FOXP1: variants seen among roughly 807,000 people sequenced by gnomAD.
FOXP1 encodes the protein forkhead box P1, also known as forkhead box protein P1.
In FOXP1, 15 loss-of-function variants were observed where a neutral mutation model predicts 98.2. The observed-to-expected ratio is 0.15, with a 90% CI of 0.10 to 0.24. The LOEUF (loss-of-function observed/expected upper bound fraction) is 0.24, where lower values mean the gene tolerates loss of function less well. FOXP1 is among the 10% of genes least tolerant of loss of function. The pLI, the probability that FOXP1 is intolerant of heterozygous loss-of-function variation, is 1.00. For missense variants in FOXP1, 633 were observed against 848.5 expected (o/e 0.75, Z 3.15); for synonymous variants, 371 against 314.5 (o/e 1.18, Z -1.90).
At chr3:71,158,577 C>T (rs905190088) in intron 6 of FOXP1, among the ~76,000 whole-genome samples, 4 of 152,094 alleles carry the variant, frequency 2.6e-5, no homozygotes, top group African/African-American at 7.2e-5. Flanking sequence ...TGCTCTAAAA[C>T]TTTTCATATA....
chr3:71,281,050 A>G (rs1405254737), intron 5 of FOXP1, among the ~76,000 whole-genome samples: 2 of 150,456 alleles, frequency 1.3e-5, no homozygotes, highest in Non-Finnish European at 3.0e-5. Context: ...AAAAAAAAAA[A>G]AAAAAAAAAA....
chr3:71,261,836 T>C (rs536833433), intron 5 of FOXP1, among the ~76,000 whole-genome samples: 1 of 152,254 alleles, frequency 6.6e-6, no homozygotes, highest in Admixed American at 6.5e-5. Flanking sequence ...CTTCATAGCC[T>C]ATGGAATAGT....
intron 4 of FOXP1, among the ~76,000 whole-genome samples, chr3:71,327,476 C>T (rs555690933): frequency 6.8e-6 from 1 of 147,990 alleles, no homozygotes; most frequent in South Asian, 2.2e-4. Context: ...CAAGCTCCGC[C>T]TCCCGGGTTC....
chr3:71,132,323 A>T (rs1276672627), intron 6 of FOXP1, among the ~76,000 whole-genome samples: 3 of 152,196 alleles, frequency 2.0e-5, no homozygotes, highest in Non-Finnish European at 4.4e-5. Context: ...CAGTCACACA[A>T]ATAGATGTGT....
chr3:71,555,368 G>A (rs955764229), intron 2 of FOXP1, among the ~76,000 whole-genome samples: 3 of 152,078 alleles, frequency 2.0e-5, no homozygotes, highest in Non-Finnish European at 1.5e-5. Context: ...AGGAGAAAAG[G>A]GATTGCTGGT....
intron 4 of FOXP1, among the ~76,000 whole-genome samples, chr3:71,303,907 G>A (rs529219410): frequency 5.9e-5 from 9 of 152,228 alleles, no homozygotes; most frequent in Admixed American, 2.0e-4. Context: ...CTGTGCAGCC[G>A]GGGTCTCTGA....
At chr3:71,564,488 A>G (rs2046765535) in intron 2 of FOXP1, among the ~76,000 whole-genome samples, 1 of 152,200 alleles carries the variant, frequency 6.6e-6, no homozygotes, top group Admixed American at 6.5e-5. Flanking sequence ...ATGGAAGATC[A>G]AGGTAAATCA....
rs969083610 is a variant in FOXP1 at position 71,227,316 on chromosome 3, G to A, written c.-11-28924C>T. Among the ~76,000 whole-genome samples, 10 of 152,164 alleles carry A rather than the reference G, an allele frequency of 6.6e-5. No homozygotes were observed. In the East Asian group the frequency reaches 1.9e-3, roughly 29 times the overall value. ...CGACCACAGGGCATCAAAAATTACC[G>A]TGTCTTCCTATTGGAAGCAACAGAG... is the stretch of plus-strand genomic sequence containing the variant. On this transcript the variant is annotated intron_variant, in intron 5 of 20. Transcript: ENST00000649528.
At chr3:71,368,405 G>C in intron 3 of FOXP1, among the ~76,000 whole-genome samples, 1 of 152,144 alleles carries the variant, frequency 6.6e-6, no homozygotes, top group South Asian at 2.1e-4. Context: ...GGGATTACAG[G>C]CATGAGCCAC....
rs538434524 is a variant in FOXP1 at position 71,026,412 on chromosome 3, C to A, written c.870-10759G>T. ...GCTGGGTTAACTTCGCAGGTTGACA[C>A]TGACAAAGTAGCAAGTCTCTGAAGA... On this transcript the variant is annotated intron_variant, in intron 11 of 20. Transcript: ENST00000649528. Among the ~76,000 whole-genome samples the A allele has an allele frequency of 3.3e-5, 5 of 152,288 alleles. No homozygotes were observed. In the South Asian group the frequency reaches 8.3e-4, roughly 25 times the overall value.
chr3:71,214,630 T>G (rs1423048331), intron 5 of FOXP1, among the ~76,000 whole-genome samples: 1 of 152,182 alleles, frequency 6.6e-6, no homozygotes, highest in Non-Finnish European at 1.5e-5. Flanking sequence ...AAATTACTAG[T>G]CTTCTTCACC....
chr3:71,046,648 C>A (rs996490594), intron 10 of FOXP1, among the ~76,000 whole-genome samples: 1 of 152,140 alleles, frequency 6.6e-6, no homozygotes, highest in Non-Finnish European at 1.5e-5. Context: ...TGCAAGAGTC[C>A]ATTAAAATGC....
At chr3:70,999,859 C>G (rs544746965) in intron 13 of FOXP1, among the ~76,000 whole-genome samples, 10 of 152,278 alleles carry the variant, frequency 6.6e-5, no homozygotes, top group Admixed American at 4.6e-4. Flanking sequence ...CGCTGTCTTG[C>G]ATACAAAATA....
At chr3:71,297,504 AC>A (rs1471855329) in intron 5 of FOXP1, among the ~76,000 whole-genome samples, 88 of 149,356 alleles carry the variant, frequency 5.9e-4, no homozygotes, top group South Asian at 4.4e-3. Flanking sequence ...AAAAAAAAAA[AC>A]AAAACAACAA....
chr3:71,058,721 A>C (rs547945982), intron 7 of FOXP1, among the ~76,000 whole-genome samples: 3 of 152,236 alleles, frequency 2.0e-5, no homozygotes, highest in African/African-American at 7.2e-5. Flanking sequence ...TTTCATAATT[A>C]ACAAGTCAAT....
intron 5 of FOXP1, among the ~76,000 whole-genome samples, chr3:71,223,568 G>A (rs1054542812): frequency 3.3e-5 from 5 of 151,716 alleles, no homozygotes; most frequent in South Asian, 2.1e-4. Flanking sequence ...AATGGCAGAC[G>A]CCTGTAGTCC....
intron 3 of FOXP1, among the ~76,000 whole-genome samples, chr3:71,454,452 A>G (rs776383577): frequency 6.6e-6 from 1 of 152,212 alleles, no homozygotes; most frequent in South Asian, 2.1e-4. Flanking sequence ...AAAAGCACCC[A>G]AAGAGTCGCT....
intron 3 of FOXP1, among the ~76,000 whole-genome samples, chr3:71,485,234 T>A (rs1011495797): frequency 1.3e-5 from 2 of 152,180 alleles, no homozygotes; most frequent in Non-Finnish European, 2.9e-5. Flanking sequence ...GTGAGCTAGA[T>A]AAGCCTCTCA....
In FOXP1 at chr3:71,529,256, T is replaced by C. The variant is rs560366500; in HGVS notation, c.-297-35701A>G. On this transcript the variant is annotated intron_variant, in intron 2 of 20. Coordinates refer to ENST00000649528, the MANE Select transcript of FOXP1 (RefSeq NM_001349338.3). ...TTCACATGCATATTAGCCACAACAA[T>C]ATTCTCTTCATGTTGATAGTTCAAT... Among the ~76,000 whole-genome samples the C allele has an allele frequency of 2.0e-4, 30 of 152,364 alleles. No individual in the cohort carries two copies. The South Asian group carries it at 6.2e-3, about 32-fold the overall frequency.
Sources: gnomAD v4.1 joint callset for allele counts (sites outside exome capture counted in the v4.1 genomes callset) on GRCh38, gnomAD v4.1.1 for gene constraint, MANE v1.5 for transcripts, NCBI Gene and HGNC (gene_info 2026-07-23, HGNC 2026-07-21) for gene names.